The following PAK3 variants were observed in gnomAD, a reference collection of about 807,000 sequenced individuals.
The protein encoded by PAK3 is serine/threonine-protein kinase PAK 3.
A neutral mutation model predicts 41.0 loss-of-function variants in PAK3; 4 were observed. That is an observed-to-expected ratio of 0.10 (90% CI 0.05 to 0.22). PAK3 has a LOEUF of 0.22. Among genes scored for constraint, PAK3 ranks in the 10% least tolerant of loss-of-function variants. The pLI is 1.00. For missense variants in PAK3, 205 were observed against 409.9 expected, an observed-to-expected ratio of 0.50 and a Z score of 4.32; for synonymous variants, 146 against 139.6, an observed-to-expected ratio of 1.05 and a Z score of -0.32.
intron 1 of PAK3, among the ~76,000 whole-genome samples, chrX:111,059,507 C>T (rs1321748404): frequency 9.0e-6 from 1 of 111,104 alleles, no homozygotes; most frequent in African/African-American, 3.3e-5. Flanking sequence ...GGGATTGCAT[C>T]GCATCTATAG....
At chrX:111,159,341 CTT>C (rs201033444) in intron 8 of PAK3, among the ~76,000 whole-genome samples, 2 of 111,313 alleles carry the variant, frequency 1.8e-5, no homozygotes, top group East Asian at 5.6e-4. Context: ...TTAATTTTGA[CTT>C]TATAGTTTTC....
At chrX:111,034,491 C>T (rs1396863063) in intron 1 of PAK3, among the ~76,000 whole-genome samples, 1 of 111,597 alleles carries the variant, frequency 9.0e-6, no homozygotes, top group Non-Finnish European at 1.9e-5. Flanking sequence ...TTTTAGTCAA[C>T]CTCTTTATTA....
intron 5 of PAK3, among the ~76,000 whole-genome samples, chrX:111,140,498 G>T (rs1207262799): frequency 1.8e-5 from 2 of 111,804 alleles, no homozygotes; most frequent in Non-Finnish European, 3.8e-5. Context: ...AGTTGAACAA[G>T]TATAAATGTT....
chrX:111,059,121 C>CTTTTTTTTT (rs386417402), intron 1 of PAK3, among the ~76,000 whole-genome samples: 1 of 61,013 alleles, frequency 1.6e-5, no homozygotes, highest in African/African-American at 6.4e-5. Context: ...TCAACTTTTC[C>CTTTTTTTTT]TTTTTTTTTT....
intron 10 of PAK3, among the ~76,000 whole-genome samples, chrX:111,168,049 C>T (rs1354510704): frequency 2.7e-5 from 3 of 110,962 alleles, no homozygotes; most frequent in African/African-American, 9.9e-5. Context: ...CCTAATTCAC[C>T]CTCATATAGA....
chrX:111,184,646 C>T (rs1479233234), intron 11 of PAK3, among the ~76,000 whole-genome samples: 1 of 106,550 alleles, frequency 9.4e-6, no homozygotes, highest in African/African-American at 3.4e-5. Flanking sequence ...TGAGAATATA[C>T]GTTGTTTGGT....
chrX:111,220,016 G>A (rs190998938), intron 17 of PAK3, among the ~76,000 whole-genome samples: 118 of 112,118 alleles, frequency 1.1e-3, no homozygotes, highest in Non-Finnish European at 1.7e-3. Flanking sequence ...TCAGGACAGA[G>A]TTCTCTAGTG....
At chrX:111,020,266 A>C (rs1342504863) in intron 1 of PAK3, among the ~76,000 whole-genome samples, 1 of 112,199 alleles carries the variant, frequency 8.9e-6, no homozygotes, top group Non-Finnish European at 1.9e-5. Context: ...TGAACTTTGA[A>C]GACATTATGC....
chrX:111,071,027 G>A (rs1429260068), intron 1 of PAK3, among the ~76,000 whole-genome samples: 1 of 112,205 alleles, frequency 8.9e-6, no homozygotes, highest in African/African-American at 3.2e-5. Context: ...CTCTGGAGCT[G>A]CATGTGGTTC....
chrX:111,185,169 A>G (rs2094497647), intron 11 of PAK3, among the ~76,000 whole-genome samples: 1 of 111,664 alleles, frequency 9.0e-6, no homozygotes, highest in African/African-American at 3.3e-5. Flanking sequence ...TTTTTTTAGT[A>G]TGTTTGTTGA....
At chrX:110,979,296 C>CTTTTTTTT (rs869275249) in intron 1 of PAK3, among the ~76,000 whole-genome samples, 1 of 9,054 alleles carries the variant, frequency 1.1e-4, no homozygotes, top group African/African-American at 1.7e-4. Flanking sequence ...TATTACTTTT[C>CTTTTTTTT]TTTTTTTTTT....
intron 16 of PAK3, among the ~76,000 whole-genome samples, chrX:111,213,388 C>A (rs1386096292): frequency 1.8e-5 from 2 of 111,961 alleles, no homozygotes; most frequent in Admixed American, 1.9e-4. Flanking sequence ...TGATTAAGGT[C>A]ATTTTTTTGG....
At chrX:111,132,045 C>T (rs1240754769) in intron 5 of PAK3, among the ~76,000 whole-genome samples, 1 of 110,745 alleles carries the variant, frequency 9.0e-6, no homozygotes, top group East Asian at 2.9e-4. Context: ...GCTAAGTAGA[C>T]AGTAAGGCAT....
At chrX:111,200,126 T>C (rs992216896) in intron 16 of PAK3, among the ~76,000 whole-genome samples, 4 of 111,086 alleles carry the variant, frequency 3.6e-5, no homozygotes, top group African/African-American at 1.3e-4. Flanking sequence ...AATTGTACCC[T>C]TGGTATGCCA....
At chrX:111,048,285 C>T (rs944025288) in intron 1 of PAK3, among the ~76,000 whole-genome samples, 6 of 110,755 alleles carry the variant, frequency 5.4e-5, no homozygotes, top group Non-Finnish European at 7.6e-5. Context: ...GCACACCCGA[C>T]GGCTCAGTTC....
At chrX:111,040,011 A>G (rs1244584751) in intron 1 of PAK3, among the ~76,000 whole-genome samples, 80 of 109,419 alleles carry the variant, frequency 7.3e-4, no homozygotes, top group South Asian at 4.0e-3. Flanking sequence ...AAAAAAAAAA[A>G]AAGAAGAATC....
At chrX:111,061,573 G>T (rs2092655831) in intron 1 of PAK3, among the ~76,000 whole-genome samples, 1 of 111,631 alleles carries the variant, frequency 9.0e-6, no homozygotes, top group African/African-American at 3.3e-5. Flanking sequence ...ACTTTTGTGA[G>T]AATTTATATC....
rs747308973 is a variant in PAK3 at position 111,071,609 on chromosome X, C to G, written c.-27-51468C>G. The stretch of plus-strand genomic sequence containing the variant: ...TAAACTATATAGCAGTTTCTCATCT[C>G]TAGTAGAGTCTCAAAAATAGCAACT... On this transcript the variant is annotated intron_variant, in intron 1 of 14. Transcript: ENST00000425146. Among the ~76,000 whole-genome samples, 9 of 111,918 alleles carry G rather than the reference C, an allele frequency of 8.0e-5. No individual in the cohort carries two copies. In the East Asian group the frequency reaches 1.4e-3, roughly 17 times the overall value.
intron 11 of PAK3, among the ~76,000 whole-genome samples, chrX:111,186,805 A>G (rs1377300730): frequency 8.9e-6 from 1 of 112,195 alleles, no homozygotes; most frequent in Non-Finnish European, 1.9e-5. Context: ...TATGGAACCA[A>G]AAAAAGACAC....
Sources: allele counts gnomAD v4.1 joint callset (sites outside exome capture counted in the v4.1 genomes callset), GRCh38; gene constraint gnomAD v4.1.1; transcripts MANE v1.5; gene names NCBI Gene and HGNC (gene_info 2026-07-23, HGNC 2026-07-21).